Variants in GLRA1 observed in about 807,000 individuals in gnomAD.
The protein encoded by GLRA1 is glycine receptor alpha 1.
GLRA1 carries 37 observed loss-of-function variants against 48.3 expected under a neutral mutation model. That is an observed-to-expected ratio of 0.77 (90% CI 0.59 to 1.01). The LOEUF is 1.01. Ranked by LOEUF, GLRA1 falls within the 50% of genes least tolerant of loss-of-function variation. GLRA1 has a pLI of 0.00. For synonymous variants in GLRA1, 196 were observed against 210.7 expected, an observed-to-expected ratio of 0.93 and a Z score of 0.60; for missense variants, 427 against 571.0, an observed-to-expected ratio of 0.75 and a Z score of 2.57.
intron 1 of GLRA1, among the ~76,000 whole-genome samples, chr5:151,893,067 T>C (rs1360449643): frequency 6.6e-6 from 1 of 152,174 alleles, no homozygotes; most frequent in Non-Finnish European, 1.5e-5. Context: ...GAGGCCCAGT[T>C]AGCAGAAGGG....
In GLRA1 at chr5:151,884,811, G is replaced by A. The variant is rs79955774; in HGVS notation, c.252+1910C>T. On this transcript the variant is annotated intron_variant, in intron 3 of 8. Coordinates refer to ENST00000274576, the MANE Select transcript of GLRA1 (RefSeq NM_000171.4). The stretch of plus-strand genomic sequence containing the variant: ...AACCATTTACCATTGAGGAAAAAGA[G>A]TGGAAGTGTCAACACTCACTGTACA... Among the ~76,000 whole-genome samples, 1,307 of 152,298 alleles carry A rather than the reference G, an allele frequency of 8.6e-3. 16 individuals carry two copies. Among genetic ancestry groups the A allele is most frequent in the African/African-American group, 0.03 (1,254 of 41,560 alleles).
At chr5:151,875,116 C>T (rs1394447672) in intron 3 of GLRA1, among the ~76,000 whole-genome samples, 1 of 152,044 alleles carries the variant, frequency 6.6e-6, no homozygotes, top group Non-Finnish European at 1.5e-5. Context: ...TTGACTTTGA[C>T]TTGTGACTAA....
Position 151,921,993 on chromosome 5 carries a change from T to A in GLRA1, c.56+2501A>T, listed in dbSNP as rs185159150. On this transcript the variant is annotated intron_variant, in intron 1 of 8. Coordinates refer to ENST00000274576, the MANE Select transcript of GLRA1 (RefSeq NM_000171.4). ...GTACCATATGGGATTTCCGCCTCAT[T>A]CACTCGATTTTTGTTTTTGTTTGTT... Among the ~76,000 whole-genome samples the A allele has an allele frequency of 4.8e-3, 738 of 152,312 alleles. 10 individuals carry two copies. The highest frequency in any genetic ancestry group is 0.017 in the African/African-American group (701 of 41,562).
At chr5:151,921,799 A>T (rs998967531) in intron 1 of GLRA1, among the ~76,000 whole-genome samples, 2 of 152,226 alleles carry the variant, frequency 1.3e-5, no homozygotes, top group African/African-American at 4.8e-5. Flanking sequence ...GACTCTCAGA[A>T]TGCCACTTAC....
At chr5:151,921,629 T>C (rs1754876576) in intron 1 of GLRA1, among the ~76,000 whole-genome samples, 1 of 152,212 alleles carries the variant, frequency 6.6e-6, no homozygotes, top group African/African-American at 2.4e-5. Flanking sequence ...CATAAGCCTC[T>C]GTAAGGGCTC....
chr5:151,859,695 G>A, intron 4 of GLRA1, 90 bp downstream of exon 4: 1 of 950,928 alleles, frequency 1.1e-6, no homozygotes, highest in Non-Finnish European at 1.7e-6. Flanking sequence ...GTTCACCTCT[G>A]TTTGGCCCCT....
chr5:151,835,903 A>G (rs1400033439), intron 7 of GLRA1, among the ~76,000 whole-genome samples: 1 of 152,212 alleles, frequency 6.6e-6, no homozygotes, highest in Non-Finnish European at 1.5e-5. Context: ...CCAGCACAAG[A>G]CAAGGATTCC....
intron 7 of GLRA1, chr5:151,850,017 G>A (rs1752859209): frequency 2.7e-5 from 43 of 1,602,972 alleles, no homozygotes; most frequent in Non-Finnish European, 3.5e-5. Flanking sequence ...CCAATTTGAG[G>A]CACACTTGTA....
At chr5:151,827,700 GACA>G (rs1561545514) in intron 8 of GLRA1, among the ~76,000 whole-genome samples, 1 of 152,130 alleles carries the variant, frequency 6.6e-6, no homozygotes, top group Non-Finnish European at 1.5e-5. Flanking sequence ...CTGATTAATA[GACA>G]ACGATTTTAA....
chr5:151,883,550 A>C (rs1042452216), intron 3 of GLRA1, among the ~76,000 whole-genome samples: 3 of 152,348 alleles, frequency 2.0e-5, no homozygotes, highest in South Asian at 4.1e-4. Flanking sequence ...TAGCATGCCT[A>C]TTTTACAGAG....
intron 3 of GLRA1, among the ~76,000 whole-genome samples, chr5:151,881,191 A>T (rs1163042598): frequency 6.6e-6 from 1 of 152,350 alleles, no homozygotes; most frequent in African/African-American, 2.4e-5. Flanking sequence ...GCACACACTT[A>T]CACACATTTG....
At chr5:151,896,838 T>G (rs950261879) in intron 1 of GLRA1, among the ~76,000 whole-genome samples, 3 of 152,148 alleles carry the variant, frequency 2.0e-5, no homozygotes, top group Non-Finnish European at 4.4e-5. Flanking sequence ...AAGAGAACCA[T>G]AATAGCAAAT....
In GLRA1 at chr5:151,870,526, G is replaced by C. The variant is rs1753449323; in HGVS notation, c.253-10518C>G. Among the ~76,000 whole-genome samples the C allele has an allele frequency of 3.3e-5, 5 of 149,876 alleles. No homozygotes were observed. In the South Asian group the frequency reaches 1.0e-3, roughly 31 times the overall value. The stretch of plus-strand genomic sequence containing the variant: ...GTGTAATCTCAATGACTTAGGATGG[G>C]CATGTGCTTGTAATGTAATGAGAAG... On this transcript the variant is annotated intron_variant, in intron 3 of 8. Transcript: ENST00000274576.
intron 7 of GLRA1, chr5:151,849,118 TTCTTTC>T (rs1752776110): frequency 1.5e-5 from 3 of 200,542 alleles, no homozygotes; most frequent in African/African-American, 5.1e-5. Flanking sequence ...CTTTCTTTCT[TTCTTTC>T]TTTCTTTCTT....
intron 1 of GLRA1, among the ~76,000 whole-genome samples, chr5:151,918,712 C>T (rs1294263107): frequency 6.6e-6 from 1 of 152,180 alleles, no homozygotes; most frequent in Non-Finnish European, 1.5e-5. Context: ...TTACAAATCT[C>T]AATTTGCAAA....
At chr5:151,923,699 G>C (rs556681401) in intron 1 of GLRA1, among the ~76,000 whole-genome samples, 1 of 152,250 alleles carries the variant, frequency 6.6e-6, no homozygotes, top group East Asian at 1.9e-4. Flanking sequence ...ACAGTGGATG[G>C]GATAACTCAG....
chr5:151,900,100 C>G lies in GLRA1; in HGVS notation c.57-7662G>C, dbSNP rs188842967. 3.5e-3 allele frequency among the ~76,000 whole-genome samples: 532 copies of G among 152,276 alleles called. 1 individual carries two copies. The highest frequency in any genetic ancestry group is 6.0e-3 in the Non-Finnish European group (408 of 68,028). On this transcript the variant is annotated intron_variant, in intron 1 of 8. Transcript: ENST00000274576. ...TGTTTTCCTCTGGATAGCCTTCCAT[C>G]CACTAACTCTCCTGCCTTATCGTAT...
intron 7 of GLRA1, chr5:151,850,042 A>G: frequency 1.2e-6 from 2 of 1,603,884 alleles, no homozygotes; most frequent in South Asian, 2.2e-5. Context: ...GATAATGGAC[A>G]TGGTGAGCAA....
chr5:151,915,328 A>T (rs1438122745), intron 1 of GLRA1, among the ~76,000 whole-genome samples: 4 of 152,202 alleles, frequency 2.6e-5, no homozygotes, highest in Admixed American at 1.3e-4. Flanking sequence ...GTTTGCAGTT[A>T]TCTATCAACA....
Sources: allele counts gnomAD v4.1 joint callset (sites outside exome capture counted in the v4.1 genomes callset), GRCh38; gene constraint gnomAD v4.1.1; transcripts MANE v1.5; gene names NCBI Gene and HGNC (gene_info 2026-07-23, HGNC 2026-07-21).